The following MYL1 variants were observed in gnomAD, a reference collection of about 807,000 sequenced individuals.
MYL1 encodes the protein myosin light chain 1.
A neutral mutation model predicts 21.8 loss-of-function variants in MYL1; 16 were observed. The observed-to-expected ratio is 0.74, with a 90% confidence interval of 0.50 to 1.12. MYL1 has a LOEUF of 1.12. Ranked by LOEUF, MYL1 falls within the 50% of genes most tolerant of loss-of-function variation. MYL1 has a pLI of 0.00. For synonymous variants in MYL1, 99 were observed against 85.2 expected (o/e 1.16, Z -0.89); for missense variants, 246 against 241.0 (o/e 1.02, Z -0.14).
At chr2:210,304,668 G>A (rs1385252299) in intron 1 of MYL1, among the ~76,000 whole-genome samples, 4 of 152,150 alleles carry the variant, frequency 2.6e-5, no homozygotes, top group Non-Finnish European at 4.4e-5. Flanking sequence ...CCAGACTCCT[G>A]AGTAGGTAGG....
At position 210,314,946 on chromosome 2, in the gene MYL1, G is replaced by A. The variant is rs748911666; in HGVS notation, c.97C>T (p.Pro33Ser). The change falls in exon 1 of 7, where the codon CCC (proline) becomes TCC (serine). Residue 33 changes from proline to serine, a missense_variant. By Grantham distance (74) the Pro-to-Ser change is moderately conservative. Transcript: ENST00000352451. ...GAGAGGTCAATTTTTTCTTCTTTGG[G>A]TTTGGCTGGGGCAGGGGCAGGTGCA... ...APAPAPAPAK[P>S]KEEKIDLSAI... The A allele has an allele frequency of 2.5e-6, 4 of 1,613,800 alleles. No individual in the cohort carries two copies. The highest frequency in any genetic ancestry group is 3.4e-6 in the Non-Finnish European group (4 of 1,179,814).
At chr2:210,304,151 A>G (rs988337036) in intron 1 of MYL1, among the ~76,000 whole-genome samples, 2 of 152,170 alleles carry the variant, frequency 1.3e-5, no homozygotes, top group Non-Finnish European at 2.9e-5. Flanking sequence ...CCAAGTGACA[A>G]TCTGGTCAGG....
chr2:210,290,672 G>A (rs1488861275), intron 6 of MYL1, among the ~76,000 whole-genome samples: 1 of 152,112 alleles, frequency 6.6e-6, no homozygotes, highest in Non-Finnish European at 1.5e-5. Flanking sequence ...AGCAGAAACT[G>A]TTAAAAACTA....
intron 5 of MYL1, 83 bp downstream of exon 5, chr2:210,293,640 A>G: frequency 1.8e-6 from 2 of 1,094,338 alleles, no homozygotes; most frequent in Non-Finnish European, 2.8e-6. Flanking sequence ...TAAGGAAGGA[A>G]GAGGAAAAGA....
intron 2 of MYL1, among the ~76,000 whole-genome samples, chr2:210,299,082 G>C (rs535473901): frequency 6.6e-6 from 1 of 152,124 alleles, no homozygotes; most frequent in East Asian, 1.9e-4. Context: ...TATTTTTCAG[G>C]AAAAATTTAG....
chr2:210,298,711 C>G (rs1575703783), intron 2 of MYL1, 148 bp from the exon 3 acceptor site: 2 of 872,002 alleles, frequency 2.3e-6, no homozygotes, highest in East Asian at 5.4e-5. Context: ...CTTTTTGTAT[C>G]TCCAAATATC....
Position 210,302,534 on chromosome 2 carries a change from C to A in MYL1, c.133-19G>T, listed in dbSNP as rs1690279526. The A allele has an allele frequency of 1.2e-6, 2 of 1,607,058 alleles. No homozygotes were observed. Among genetic ancestry groups the A allele is most frequent in the Non-Finnish European group, 1.7e-6 (2 of 1,177,862 alleles). On this transcript the variant is annotated intron_variant, in intron 1 of 6. Transcript: ENST00000352451. ...ACTCGATCTGTTAGAAAGAAATTGA[C>A]CACAAAGAATGTTTTAACCAAACAA... is the stretch of plus-strand genomic sequence containing the variant.
intron 1 of MYL1, among the ~76,000 whole-genome samples, chr2:210,312,367 G>T (rs746968698): frequency 6.6e-6 from 1 of 151,568 alleles, no homozygotes. Flanking sequence ...ACATATAACA[G>T]CTCTATTAAT....
chr2:210,294,285 T>G lies in MYL1; in HGVS notation c.438A>C (p.Thr146=). ...LRVFDKEGNG[T]VMGAELRHVL... The stretch of plus-strand genomic sequence containing the variant: ...CATGGCGGAGTTCAGCACCCATGAC[T>G]GTGCCATTGCCTTCCTTGTCAAAGA... Residue 146 remains threonine (T), a synonymous_variant, in exon 4 of 7, where the codon ACA becomes ACC. Coordinates refer to ENST00000352451, the MANE Select transcript of MYL1 (RefSeq NM_079420.3). 1.9e-6 allele frequency: 3 copies of G among 1,614,026 alleles called. No individual in the cohort carries two copies. The highest frequency in any genetic ancestry group is 2.5e-6 in the Non-Finnish European group (3 of 1,179,944).
At chr2:210,293,293 T>C (rs1690109530) in intron 5 of MYL1, among the ~76,000 whole-genome samples, 1 of 152,146 alleles carries the variant, frequency 6.6e-6, no homozygotes, top group South Asian at 2.1e-4. Context: ...GGAAAAGAAG[T>C]AAATTTTACC....
At chr2:210,295,847 A>G (rs1166822426) in intron 3 of MYL1, among the ~76,000 whole-genome samples, 5 of 151,588 alleles carry the variant, frequency 3.3e-5, no homozygotes, top group Non-Finnish European at 7.4e-5. Flanking sequence ...AAAAAAAGAA[A>G]GAAAGAAAAA....
At chr2:210,303,693 A>G (rs1690298405) in intron 1 of MYL1, 1 of 1,110,306 alleles carries the variant, frequency 9.0e-7, no homozygotes, top group Non-Finnish European at 1.3e-6. Context: ...TTTCAGAGAT[A>G]AGTTGCCACA....
intron 2 of MYL1, among the ~76,000 whole-genome samples, chr2:210,301,952 AG>A (rs1368544936): frequency 6.6e-6 from 1 of 152,174 alleles, no homozygotes; most frequent in African/African-American, 2.4e-5. Context: ...GGGTTAAACC[AG>A]GAGACATTTA....
intron 2 of MYL1, among the ~76,000 whole-genome samples, chr2:210,301,387 A>G (rs938970001): frequency 6.6e-6 from 1 of 152,112 alleles, no homozygotes; most frequent in Admixed American, 6.6e-5. Flanking sequence ...TTCTCAATTT[A>G]TGTTCAAATA....
At chr2:210,306,773 A>T (rs572079297) in intron 1 of MYL1, among the ~76,000 whole-genome samples, 2 of 151,886 alleles carry the variant, frequency 1.3e-5, no homozygotes, top group African/African-American at 4.8e-5. Flanking sequence ...GCTGGAGTAA[A>T]ATGGCGTGAT....
chr2:210,302,771 C>A (rs765913439), intron 1 of MYL1: 2 of 1,566,330 alleles, frequency 1.3e-6, no homozygotes, highest in African/African-American at 2.7e-5. Flanking sequence ...CACTTACCAG[C>A]AATCTGGTCA....
chr2:210,299,946 C>T (rs1415086577), intron 2 of MYL1, among the ~76,000 whole-genome samples: 2 of 152,150 alleles, frequency 1.3e-5, no homozygotes, highest in African/African-American at 4.8e-5. Context: ...AATCTAACAT[C>T]GCACTGACAT....
intron 1 of MYL1, among the ~76,000 whole-genome samples, chr2:210,305,043 T>C (rs912667431): frequency 6.6e-6 from 1 of 152,210 alleles, no homozygotes; most frequent in Non-Finnish European, 1.5e-5. Flanking sequence ...ACAGGCATAA[T>C]GTATATTGGA....
Position 210,302,486 on chromosome 2 carries a change from A to C in MYL1, c.160+2T>G. Reference sequence around the variant, plus strand: ...TTTAAGAACCATAGCTTTTAAACTTACCATCCTGCTGTTCCTTAGAGAACT... The same window carrying C: ...TTTAAGAACCATAGCTTTTAAACTTCCCATCCTGCTGTTCCTTAGAGAACT... On this transcript the variant is annotated splice_donor_variant, in intron 2 of 6. Coordinates refer to ENST00000352451, the MANE Select transcript of MYL1 (RefSeq NM_079420.3). LOFTEE classifies it high-confidence loss of function. 1.2e-6 allele frequency: 2 copies of C among 1,608,622 alleles called. No individual in the cohort carries two copies. The highest frequency in any genetic ancestry group is 1.7e-6 in the Non-Finnish European group (2 of 1,178,312).
Sources: gnomAD v4.1 joint callset for allele counts (sites outside exome capture counted in the v4.1 genomes callset) on GRCh38, gnomAD v4.1.1 for gene constraint, MANE v1.5 for transcripts, NCBI Gene and HGNC (gene_info 2026-07-23, HGNC 2026-07-21) for gene names.